Variants in PRKAR1B observed in about 807,000 individuals in gnomAD.
PRKAR1B encodes the protein cAMP-dependent protein kinase type I-beta regulatory subunit.
In PRKAR1B, 22 loss-of-function variants were observed where a neutral mutation model predicts 46.5. The ratio of observed to expected loss-of-function variants is 0.47; its 90% CI spans 0.34 to 0.68. PRKAR1B has a LOEUF of 0.68. Among genes scored for constraint, PRKAR1B ranks in the 30% least tolerant of loss-of-function variants. The pLI is 0.01. For missense variants in PRKAR1B, 445 were observed against 535.6 expected (o/e 0.83, Z 1.67); for synonymous variants, 259 against 217.7 (o/e 1.19, Z -1.67).
At chr7:645,570 C>T (rs1784582316) in intron 4 of PRKAR1B, among the ~76,000 whole-genome samples, 1 of 152,174 alleles carries the variant, frequency 6.6e-6, no homozygotes, top group Non-Finnish European at 1.5e-5. Context: ...GAGGATCACT[C>T]AAGCCTGGGA....
At position 593,542 on chromosome 7, in the gene PRKAR1B, G is replaced by C. The variant is rs28402081; in HGVS notation, c.708+2604C>G. ...AAAAATCCCCCAGCCGGGAGCGACAGGGCGTCAAGGATGGTGGGGAAACGG... is the reference window on the plus strand; with the variant it reads ...AAAAATCCCCCAGCCGGGAGCGACACGGCGTCAAGGATGGTGGGGAAACGG... On this transcript the variant is annotated intron_variant, in intron 7 of 10. Coordinates refer to ENST00000537384, the MANE Select transcript of PRKAR1B (RefSeq NM_001164760.2). This position sits in a 1 kb window ranked among gnomAD's most constrained non-coding sequence, Gnocchi z 6.1. Among the ~76,000 whole-genome samples the C allele has an allele frequency of 6.6e-6, 1 of 152,216 alleles. No homozygotes were observed. Among genetic ancestry groups the C allele is most frequent in the East Asian group, 1.9e-4 (1 of 5,170 alleles).
chr7:685,711 G>A (rs1479080528), intron 2 of PRKAR1B, among the ~76,000 whole-genome samples: 1 of 151,560 alleles, frequency 6.6e-6, no homozygotes, highest in African/African-American at 2.4e-5. Flanking sequence ...ACAATGAAAC[G>A]AAGCCTCCAA....
rs1780189719 is a variant in PRKAR1B at position 704,005 on chromosome 7, AT to A, written c.177+7323del. The stretch of plus-strand genomic sequence containing the variant: ...GAAATCTCAAGGTAAAATGGAAAAT[AT>A]TTTGAGCTAAATAGAAAATGAAAAT... On this transcript the variant is annotated intron_variant, in intron 2 of 10. Coordinates refer to ENST00000537384, the MANE Select transcript of PRKAR1B (RefSeq NM_001164760.2). 3.3e-5 allele frequency among the ~76,000 whole-genome samples: 5 copies of A among 152,338 alleles called. No homozygotes were observed. The South Asian group carries it at 1.0e-3, about 32-fold the overall frequency.
chr7:572,771 C>T (rs1342466994), intron 9 of PRKAR1B, among the ~76,000 whole-genome samples: 7 of 152,146 alleles, frequency 4.6e-5, no homozygotes, highest in Non-Finnish European at 7.4e-5. Flanking sequence ...AAAGGTGAGG[C>T]GGGAGCTCCG....
At chr7:685,776 A>C (rs1286103705) in intron 2 of PRKAR1B, among the ~76,000 whole-genome samples, 1 of 152,184 alleles carries the variant, frequency 6.6e-6, no homozygotes, top group Non-Finnish European at 1.5e-5. Flanking sequence ...CTAAACTAGC[A>C]TTCATGTTTG....
chr7:692,193 A>G (rs1292999777), intron 2 of PRKAR1B, among the ~76,000 whole-genome samples: 1 of 152,238 alleles, frequency 6.6e-6, no homozygotes, highest in Non-Finnish European at 1.5e-5. Flanking sequence ...TGAGGTCAGG[A>G]GTTCGAGACC....
intron 4 of PRKAR1B, among the ~76,000 whole-genome samples, chr7:655,864 G>C (rs1453453636): frequency 6.6e-6 from 1 of 152,188 alleles, no homozygotes; most frequent in Non-Finnish European, 1.5e-5. Context: ...GGGTGAAACA[G>C]AGCAAATGAC....
chr7:727,081 C>G (rs1311060681), intron 1 of PRKAR1B, 129 bp downstream of exon 1: 4 of 1,045,364 alleles, frequency 3.8e-6, no homozygotes, highest in Non-Finnish European at 4.6e-6. Context: ...GCTGCCCGCG[C>G]TCGCCGCGCG....
intron 4 of PRKAR1B, among the ~76,000 whole-genome samples, chr7:650,686 C>T (rs1017510127): frequency 4.6e-5 from 7 of 152,246 alleles, no homozygotes; most frequent in East Asian, 3.9e-4. Context: ...CCTTTGACTG[C>T]GCCAACTTCA....
At chr7:613,076 A>G (rs1782617687) in intron 4 of PRKAR1B, among the ~76,000 whole-genome samples, 1 of 152,188 alleles carries the variant, frequency 6.6e-6, no homozygotes. Flanking sequence ...AAAGGTGTTC[A>G]CAGTGTTGCC....
At chr7:551,548 G>GT in intron 9 of PRKAR1B, 78 bp from the exon 10 acceptor site, 1 of 1,405,692 alleles carries the variant, frequency 7.1e-7, no homozygotes, top group Non-Finnish European at 9.8e-7. Context: ...TCACCCCACA[G>GT]GGGGTCACCA....
chr7:644,050 CT>C lies in PRKAR1B; in HGVS notation c.440+33178del. ...ATGCCGGCTGCCCAGTGCTACGAAG[CT>C]AGGGGCGGCTGCTACACGGCCCACT... is the stretch of plus-strand genomic sequence containing the variant. On this transcript the variant is annotated intron_variant, in intron 4 of 10. Coordinates refer to ENST00000537384, the MANE Select transcript of PRKAR1B (RefSeq NM_001164760.2). The surrounding 1 kb of genome is among the most constrained non-coding windows in gnomAD (Gnocchi z 4.9). 6.6e-6 allele frequency among the ~76,000 whole-genome samples: 1 copy of C among 152,152 alleles called. No individual in the cohort carries two copies. Among genetic ancestry groups the C allele is most frequent in the Non-Finnish European group, 1.5e-5 (1 of 68,028 alleles).
At chr7:570,055 G>A (rs1779405890) in intron 9 of PRKAR1B, among the ~76,000 whole-genome samples, 1 of 152,264 alleles carries the variant, frequency 6.6e-6, no homozygotes, top group Non-Finnish European at 1.5e-5. Flanking sequence ...CTTTCAAGAT[G>A]CGCTGAGATT....
chr7:627,730 G>A (rs1411033212), intron 4 of PRKAR1B, among the ~76,000 whole-genome samples: 3 of 151,996 alleles, frequency 2.0e-5, no homozygotes, highest in East Asian at 1.9e-4. Flanking sequence ...CCCAGCTCAC[G>A]CCCGCCCTCC....
chr7:622,512 G>A (rs1309916688), intron 4 of PRKAR1B, among the ~76,000 whole-genome samples: 3 of 152,212 alleles, frequency 2.0e-5, no homozygotes, highest in African/African-American at 7.2e-5. Context: ...AAGGCAAACT[G>A]AGTTATTAGC....
At chr7:702,237 G>C (rs893240234) in intron 2 of PRKAR1B, among the ~76,000 whole-genome samples, 1 of 150,354 alleles carries the variant, frequency 6.7e-6, no homozygotes, top group Non-Finnish European at 1.5e-5. Context: ...AAGAAAAACA[G>C]TAAAAAAGAC....
chr7:676,341 C>G (rs577920296), intron 4 of PRKAR1B, among the ~76,000 whole-genome samples: 4 of 152,222 alleles, frequency 2.6e-5, no homozygotes, highest in Non-Finnish European at 4.4e-5. Context: ...TCACTGCGAC[C>G]CTGCAGACCT....
intron 2 of PRKAR1B, among the ~76,000 whole-genome samples, chr7:689,329 G>C (rs1451104725): frequency 6.6e-6 from 1 of 151,924 alleles, no homozygotes; most frequent in Non-Finnish European, 1.5e-5. Context: ...CATCATATTA[G>C]CCAGGATGGT....
At chr7:604,124 C>A (rs1171824728) in intron 6 of PRKAR1B, among the ~76,000 whole-genome samples, 1 of 152,190 alleles carries the variant, frequency 6.6e-6, no homozygotes, top group African/African-American at 2.4e-5. Flanking sequence ...TGCAGCCCCC[C>A]ATCAGGCCCT....
Sources: gnomAD v4.1 joint callset for allele counts (sites outside exome capture counted in the v4.1 genomes callset) on GRCh38, gnomAD v4.1.1 for gene constraint, Gnocchi (gnomAD v3.1) non-coding constraint, MANE v1.5 for transcripts, NCBI Gene and HGNC (gene_info 2026-07-23, HGNC 2026-07-21) for gene names.